ELP4: variants seen among roughly 807,000 people sequenced by gnomAD.
ELP4 encodes the protein elongator complex protein 4.
ELP4 carries 51 observed loss-of-function variants against 48.9 expected under a neutral mutation model. That is an observed-to-expected ratio of 1.04 (90% CI 0.83 to 1.32). The LOEUF (loss-of-function observed/expected upper bound fraction) is 1.32. Ranked by LOEUF, ELP4 falls within the 40% of genes most tolerant of loss-of-function variation. The pLI is 0.00. For synonymous variants in ELP4, 210 were observed against 189.2 expected (o/e 1.11, Z -0.90); for missense variants, 519 against 514.6 (o/e 1.01, Z -0.08).
rs1444323183 is a variant in ELP4 at position 31,779,880 on chromosome 11, TCA to T, written c.1144-3508_1144-3507del. On this transcript the variant is annotated intron_variant, in intron 9 of 9. Coordinates refer to ENST00000640961, the MANE Select transcript of ELP4 (RefSeq NM_019040.5). The stretch of plus-strand genomic sequence containing the variant: ...GCCAGCCAGCTATCCATCTCCTGCA[TCA>T]CACAGTCTCTTCCTCCCAGAATCTG... 5 of 152,206 alleles carry T rather than the reference TCA, an allele frequency of 3.3e-5. No individual in the cohort carries two copies. The East Asian group carries it at 7.7e-4, about 23-fold the overall frequency. The allele number at this position is 152,206 out of a possible 1,614,324, so 9.4% of individuals were successfully genotyped here.
intron 7 of ELP4, among the ~76,000 whole-genome samples, chr11:31,639,899 A>G (rs190860373): frequency 4.6e-5 from 7 of 151,980 alleles, no homozygotes; most frequent in Non-Finnish European, 7.4e-5. Context: ...TAGTTCCTAT[A>G]ATGGTAGTAG....
chr11:31,685,541 A>G (rs1435177460), intron 9 of ELP4, among the ~76,000 whole-genome samples: 1 of 152,204 alleles, frequency 6.6e-6, no homozygotes. Context: ...GTAACAGAAG[A>G]GTTGAAACTT....
At chr11:31,758,444 C>T (rs958424517) in intron 9 of ELP4, among the ~76,000 whole-genome samples, 2 of 152,024 alleles carry the variant, frequency 1.3e-5, no homozygotes, top group African/African-American at 4.8e-5. Flanking sequence ...ATTGTTAAGC[C>T]CAAGGTTTTA....
At chr11:31,739,690 A>G (rs1279755208) in intron 9 of ELP4, among the ~76,000 whole-genome samples, 1 of 152,194 alleles carries the variant, frequency 6.6e-6, no homozygotes, top group Non-Finnish European at 1.5e-5. Context: ...CAAGTTTAAA[A>G]TACCAATAAG....
At chr11:31,577,306 C>T (rs1957301827) in intron 3 of ELP4, among the ~76,000 whole-genome samples, 1 of 152,000 alleles carries the variant, frequency 6.6e-6, no homozygotes, top group Non-Finnish European at 1.5e-5. Flanking sequence ...ACCTACCAAC[C>T]AAAAAAAGTC....
chr11:31,637,006 A>G (rs1944993266), intron 7 of ELP4, among the ~76,000 whole-genome samples: 1 of 151,988 alleles, frequency 6.6e-6, no homozygotes, highest in Non-Finnish European at 1.5e-5. Flanking sequence ...TGAACTAAAA[A>G]TGTGTGTGAA....
At chr11:31,670,305 C>G (rs7479549) in intron 9 of ELP4, among the ~76,000 whole-genome samples, 92,226 of 152,020 alleles carry the variant, frequency 0.61, 31,742 homozygotes, top group Non-Finnish European at 0.76. Flanking sequence ...TTGATAACAT[C>G]TTGATAACAC....
At chr11:31,657,020 A>G (rs1180693020) in intron 9 of ELP4, among the ~76,000 whole-genome samples, 1 of 152,010 alleles carries the variant, frequency 6.6e-6, no homozygotes, top group South Asian at 2.1e-4. Context: ...AATCACAGCT[A>G]TTTCATTTCC....
intron 3 of ELP4, among the ~76,000 whole-genome samples, chr11:31,585,814 C>G (rs1957462771): frequency 6.6e-6 from 1 of 152,064 alleles, no homozygotes; most frequent in Admixed American, 6.6e-5. Context: ...GTGAGAAGAC[C>G]AGGCATGATG....
At chr11:31,760,542 A>T (rs1947924007) in intron 9 of ELP4, among the ~76,000 whole-genome samples, 1 of 152,240 alleles carries the variant, frequency 6.6e-6, no homozygotes, top group Non-Finnish European at 1.5e-5. Flanking sequence ...TAAAAACATT[A>T]GAAGACGATA....
intron 5 of ELP4, among the ~76,000 whole-genome samples, chr11:31,621,682 A>G (rs1944624565): frequency 6.6e-6 from 1 of 151,892 alleles, no homozygotes; most frequent in Non-Finnish European, 1.5e-5. Flanking sequence ...TCGTGTACCA[A>G]GTACATTGTA....
At chr11:31,637,440 C>T (rs1945004586) in intron 7 of ELP4, 1 of 151,864 alleles carries the variant, frequency 6.6e-6, no homozygotes, top group Non-Finnish European at 1.5e-5. Flanking sequence ...TTAAACTCTT[C>T]CTACATATTA....
chr11:31,638,415 C>G (rs1358422857), intron 7 of ELP4, among the ~76,000 whole-genome samples: 1 of 151,708 alleles, frequency 6.6e-6, no homozygotes, highest in East Asian at 1.9e-4. Flanking sequence ...CAATTAATAG[C>G]CTTATTCAAT....
chr11:31,527,650 C>T (rs1052074444), intron 2 of ELP4, among the ~76,000 whole-genome samples: 11 of 151,944 alleles, frequency 7.2e-5, no homozygotes, highest in African/African-American at 2.4e-4. Context: ...TCTTTGCTGC[C>T]ACTACCCCAA....
chr11:31,635,977 A>T (rs1944967064), intron 7 of ELP4, among the ~76,000 whole-genome samples: 1 of 151,910 alleles, frequency 6.6e-6, no homozygotes, highest in Non-Finnish European at 1.5e-5. Context: ...TTGTAACAAG[A>T]CTCTTTAAAC....
At chr11:31,680,827 C>T (rs902318431) in intron 9 of ELP4, among the ~76,000 whole-genome samples, 5 of 152,086 alleles carry the variant, frequency 3.3e-5, no homozygotes, top group African/African-American at 1.2e-4. Context: ...AAGGTAGACT[C>T]ATTTTATTTA....
chr11:31,585,525 G>A (rs900412877), intron 3 of ELP4, among the ~76,000 whole-genome samples: 5 of 151,228 alleles, frequency 3.3e-5, no homozygotes, highest in Non-Finnish European at 2.9e-5. Context: ...ATCTTCATTC[G>A]TCAAGCTTTA....
chr11:31,521,137 C>T (rs186199995), intron 2 of ELP4, among the ~76,000 whole-genome samples: 127 of 151,988 alleles, frequency 8.4e-4, no homozygotes, highest in African/African-American at 2.8e-3. Flanking sequence ...TTGGCATGTA[C>T]GTAAGAATTT....
chr11:31,670,137 A>G (rs1298149314), intron 9 of ELP4, among the ~76,000 whole-genome samples: 1 of 152,136 alleles, frequency 6.6e-6, no homozygotes. Context: ...TTTGATTTGA[A>G]TTTAAATGCA....
Sources: gnomAD v4.1 joint callset for allele counts (sites outside exome capture counted in the v4.1 genomes callset) on GRCh38, gnomAD v4.1.1 for gene constraint, MANE v1.5 for transcripts, NCBI Gene and HGNC (gene_info 2026-07-23, HGNC 2026-07-21) for gene names.